UGT2B4: variants seen among roughly 807,000 people sequenced by gnomAD.
The protein encoded by UGT2B4 is UDP-glucuronosyltransferase 2B4.
A neutral mutation model predicts 49.8 loss-of-function variants in UGT2B4; 49 were observed. The ratio of observed to expected loss-of-function variants is 0.98; its 90% CI spans 0.78 to 1.25. The LOEUF is 1.25. UGT2B4 is among the 50% of genes most tolerant of loss of function. UGT2B4 has a pLI of 0.00. For synonymous variants in UGT2B4, 246 were observed against 217.7 expected (o/e 1.13, Z -1.14); for missense variants, 729 against 627.7 (o/e 1.16, Z -1.73).
chr4:69,480,536 C>T lies in UGT2B4; in HGVS notation c.*98G>A. ...GTAAGTTTTGAAAGATGTTTTGTCA[C>T]AAGAAGAAAGGAATCTCTTGTATCA... On this transcript the variant is annotated 3_prime_UTR_variant, in exon 6 of 6. Coordinates refer to ENST00000305107, the MANE Select transcript of UGT2B4 (RefSeq NM_021139.3). The T allele has an allele frequency of 1.3e-6, 2 of 1,504,376 alleles. No individual in the cohort carries two copies. Among genetic ancestry groups the T allele is most frequent in the Non-Finnish European group, 1.8e-6 (2 of 1,125,166 alleles). The allele number at this position is 1,504,376 out of a possible 1,614,324, so 93.2% of individuals were successfully genotyped here. A position where few individuals can be genotyped will look rare whatever the true frequency, so the allele number is the denominator to read the frequency against.
intron 1 of UGT2B4, among the ~76,000 whole-genome samples, chr4:69,515,404 T>C (rs1318349859): frequency 6.6e-6 from 1 of 152,136 alleles, no homozygotes; most frequent in African/African-American, 2.4e-5. Context: ...AACCTGCTCC[T>C]GAATGACTTT....
intron 1 of UGT2B4, among the ~76,000 whole-genome samples, chr4:69,509,864 A>G (rs981229563): frequency 6.6e-6 from 1 of 152,020 alleles, no homozygotes; most frequent in African/African-American, 2.4e-5. Context: ...TGTTTCACAC[A>G]ATTCCACCTG....
chr4:69,493,955 T>C, intron 1 of UGT2B4, 114 bp from the exon 2 acceptor site: 1 of 1,173,886 alleles, frequency 8.5e-7, no homozygotes, highest in South Asian at 1.7e-5. Context: ...GTTTGTGCCT[T>C]GAAAAAAAAT....
At chr4:69,489,686 G>T in intron 2 of UGT2B4, 116 bp from the exon 3 acceptor site, 2 of 1,430,920 alleles carry the variant, frequency 1.4e-6, no homozygotes, top group Non-Finnish European at 1.9e-6. Context: ...TTGGAGTAAA[G>T]GATGTTTTTT....
intron 1 of UGT2B4, among the ~76,000 whole-genome samples, chr4:69,519,685 A>G (rs774903089): frequency 2.6e-5 from 4 of 152,216 alleles, no homozygotes. Context: ...GGGTGCACCA[A>G]GATCTTCACC....
chr4:69,490,879 G>T (rs1380486512), intron 2 of UGT2B4, among the ~76,000 whole-genome samples: 1 of 152,216 alleles, frequency 6.6e-6, no homozygotes, highest in East Asian at 1.9e-4. Context: ...GATGTCCAGA[G>T]CCGCCTTCAT....
At chr4:69,500,710 A>G (rs891405309), upstream of UGT2B4, among the ~76,000 whole-genome samples, 3 of 152,098 alleles carry the variant, frequency 2.0e-5, no homozygotes, top group African/African-American at 7.2e-5. Context: ...TGGTCCATCC[A>G]GGAGCAATGC....
At chr4:69,486,282 A>G (rs777644449) in intron 4 of UGT2B4, among the ~76,000 whole-genome samples, 4 of 152,188 alleles carry the variant, frequency 2.6e-5, no homozygotes, top group Non-Finnish European at 4.4e-5. Flanking sequence ...CATTTGAAAT[A>G]ACCCTACAGA....
intron 3 of UGT2B4, among the ~76,000 whole-genome samples, chr4:69,487,118 G>C (rs1172069723): frequency 6.6e-6 from 1 of 152,128 alleles, no homozygotes; most frequent in Non-Finnish European, 1.5e-5. Context: ...AAAAAGAAAT[G>C]CTTATACTCT....
upstream of UGT2B4, among the ~76,000 whole-genome samples, chr4:69,498,455 A>C (rs1215165537): frequency 6.6e-6 from 1 of 151,856 alleles, no homozygotes; most frequent in Admixed American, 6.6e-5. Context: ...CAACTGATAC[A>C]CAGAGAATGG....
chr4:69,522,917 A>G, intron 1 of UGT2B4, among the ~76,000 whole-genome samples: 1 of 152,122 alleles, frequency 6.6e-6, no homozygotes, highest in Admixed American at 6.5e-5. Flanking sequence ...TGTTCAGACC[A>G]TTTTCACCAG....
upstream of UGT2B4, among the ~76,000 whole-genome samples, chr4:69,500,606 G>GAAGAAAGC (rs1728283129): frequency 5.0e-5 from 5 of 99,510 alleles, no homozygotes; most frequent in East Asian, 2.7e-4. Flanking sequence ...AGAAAGCAAG[G>GAAGAAAGC]AAGAAAGAAA....
chr4:69,507,994 CTT>C lies in UGT2B4; in HGVS notation c.-105-12030_-105-12029del, dbSNP rs1728518570. Among the ~76,000 whole-genome samples, 4 of 152,020 alleles carry C rather than the reference CTT, an allele frequency of 2.6e-5. No individual in the cohort carries two copies. The South Asian group carries it at 8.3e-4, about 32-fold the overall frequency. ...TCTAACTTTCATCATCTATAAGAGA[CTT>C]AAACAAATTTACTAGAAAAAATTAA... On this transcript the variant is annotated intron_variant, in intron 1 of 1. Transcript: ENST00000510114.
upstream of UGT2B4, among the ~76,000 whole-genome samples, chr4:69,500,619 AAG>A (rs1728286833): frequency 1.6e-5 from 2 of 126,554 alleles, no homozygotes; most frequent in African/African-American, 5.6e-5. Context: ...GAAAGAAAGA[AAG>A]AAAGAAAGAA....
upstream of UGT2B4, among the ~76,000 whole-genome samples, chr4:69,496,448 C>A (rs890435622): frequency 1.3e-5 from 2 of 152,152 alleles, no homozygotes; most frequent in African/African-American, 4.8e-5. Flanking sequence ...CATGTTCCTG[C>A]AGTCTCTTTG....
At chr4:69,508,774 G>C (rs946118041) in intron 1 of UGT2B4, among the ~76,000 whole-genome samples, 1 of 152,076 alleles carries the variant, frequency 6.6e-6, no homozygotes, top group Non-Finnish European at 1.5e-5. Flanking sequence ...ATACCCGGCT[G>C]ATAAAATATT....
At chr4:69,522,426 C>T (rs766170012) in intron 1 of UGT2B4, among the ~76,000 whole-genome samples, 26 of 152,116 alleles carry the variant, frequency 1.7e-4, no homozygotes, top group Non-Finnish European at 2.9e-4. Flanking sequence ...ATATAGTGAA[C>T]ATTGCAATAA....
intron 1 of UGT2B4, among the ~76,000 whole-genome samples, chr4:69,504,679 CAG>C (rs1170398749): frequency 1.3e-5 from 2 of 151,812 alleles, no homozygotes; most frequent in Non-Finnish European, 2.9e-5. Context: ...AACCATATTT[CAG>C]GTACCATCCC....
At chr4:69,500,606 G>GAAGAAAGAAAGA (rs61653936), upstream of UGT2B4, among the ~76,000 whole-genome samples, 2,991 of 99,078 alleles carry the variant, frequency 0.03, 118 homozygotes, top group African/African-American at 0.065. Flanking sequence ...AGAAAGCAAG[G>GAAGAAAGAAAGA]AAGAAAGAAA....
Sources: allele counts gnomAD v4.1 joint callset (sites outside exome capture counted in the v4.1 genomes callset), GRCh38; gene constraint gnomAD v4.1.1; transcripts MANE v1.5; gene names NCBI Gene and HGNC (gene_info 2026-07-23, HGNC 2026-07-21).